CCSER1: variants seen among roughly 807,000 people sequenced by gnomAD.
CCSER1 encodes the protein coiled-coil serine rich protein 1, also known as serine-rich coiled-coil domain-containing protein 1.
A neutral mutation model predicts 82.0 loss-of-function variants in CCSER1; 41 were observed. That is an observed-to-expected ratio of 0.50 (90% confidence interval 0.39 to 0.65). CCSER1 has a LOEUF of 0.65. Ranked by LOEUF, CCSER1 falls within the 30% of genes least tolerant of loss-of-function variation. CCSER1 has a pLI of 0.00. For missense variants in CCSER1, 1,119 were observed against 1,064.2 expected, an observed-to-expected ratio of 1.05 and a Z score of -0.72; for synonymous variants, 414 against 383.9, an observed-to-expected ratio of 1.08 and a Z score of -0.92.
intron 10 of CCSER1, among the ~76,000 whole-genome samples, chr4:91,174,599 T>G (rs1331416701): frequency 6.6e-6 from 1 of 152,104 alleles, no homozygotes. Context: ...TGGACAAACA[T>G]TTTTACCAAG....
In CCSER1 at chr4:91,424,001, C is replaced by CTTTTTTT. The variant is rs1167472932; in HGVS notation, c.2218-174551_2218-174545dup. On this transcript the variant is annotated intron_variant, in intron 10 of 10. Coordinates refer to ENST00000509176, the MANE Select transcript of CCSER1 (RefSeq NM_001145065.2). ...ATAACACTGTAAGAACTCAGCAGATCTTTTTTTTTTTTTTTTTTTTTTTTT... is the reference window on the plus strand; with the variant it reads ...ATAACACTGTAAGAACTCAGCAGATCTTTTTTTTTTTTTTTTTTTTTTTTTTTTTTTT... Among the ~76,000 whole-genome samples, 214 of 77,472 alleles carry CTTTTTTT rather than the reference C, an allele frequency of 2.8e-3. 39 individuals carry two copies. The highest frequency in any genetic ancestry group is 0.01 in the African/African-American group (194 of 18,724). 50.8% of individuals were successfully genotyped at this position (77,472 alleles called of 152,430 possible). A position where few individuals can be genotyped will look rare whatever the true frequency, so the allele number is the denominator to read the frequency against.
chr4:91,526,910 T>C (rs552432904), intron 10 of CCSER1, among the ~76,000 whole-genome samples: 1 of 152,020 alleles, frequency 6.6e-6, no homozygotes, highest in African/African-American at 2.4e-5. Context: ...TATACTCTCT[T>C]GAATAGGAGT....
chr4:91,410,303 T>A (rs988929892), intron 10 of CCSER1, among the ~76,000 whole-genome samples: 1 of 151,894 alleles, frequency 6.6e-6, no homozygotes, highest in Non-Finnish European at 1.5e-5. Context: ...TACTAAATAC[T>A]GTCTTTCCAT....
chr4:90,198,262 G>A (rs1578439987), intron 1 of CCSER1, among the ~76,000 whole-genome samples: 2 of 151,906 alleles, frequency 1.3e-5, no homozygotes, highest in Admixed American at 6.6e-5. Flanking sequence ...TAATCATATG[G>A]CTGGTTCCCC....
chr4:90,372,516 G>A (rs1378533940), intron 3 of CCSER1, among the ~76,000 whole-genome samples: 1 of 152,014 alleles, frequency 6.6e-6, no homozygotes, highest in Non-Finnish European at 1.5e-5. Context: ...TTGGGAGGCC[G>A]AGGCAGGCAG....
At chr4:91,508,472 T>C (rs1340220473) in intron 10 of CCSER1, among the ~76,000 whole-genome samples, 2 of 151,710 alleles carry the variant, frequency 1.3e-5, no homozygotes, top group Non-Finnish European at 2.9e-5. Context: ...TGATGTGTAA[T>C]TGTTTCTATA....
intron 1 of CCSER1, among the ~76,000 whole-genome samples, chr4:90,292,533 A>G (rs955920539): frequency 6.6e-6 from 1 of 151,968 alleles, no homozygotes; most frequent in Non-Finnish European, 1.5e-5. Flanking sequence ...CTTTTAAAAA[A>G]GCCAAACCCA....
At chr4:90,425,709 C>T (rs1405739267) in intron 4 of CCSER1, among the ~76,000 whole-genome samples, 3 of 152,148 alleles carry the variant, frequency 2.0e-5, no homozygotes, top group Non-Finnish European at 4.4e-5. Flanking sequence ...GATCATTAAC[C>T]TATTTAAAAG....
At chr4:90,263,733 T>G (rs1724746624) in intron 1 of CCSER1, among the ~76,000 whole-genome samples, 1 of 152,144 alleles carries the variant, frequency 6.6e-6, no homozygotes, top group East Asian at 1.9e-4. Context: ...GTAAGTATTC[T>G]GGTTTCTCAG....
intron 1 of CCSER1, among the ~76,000 whole-genome samples, chr4:90,128,268 G>A (rs1449742125): frequency 5.9e-5 from 9 of 152,050 alleles, no homozygotes; most frequent in Admixed American, 5.9e-4. Context: ...GTGCTGAGGC[G>A]GGGACGGCGG....
chr4:90,945,068 G>T (rs549942620), intron 9 of CCSER1, among the ~76,000 whole-genome samples: 3 of 152,134 alleles, frequency 2.0e-5, no homozygotes, highest in African/African-American at 4.8e-5. Context: ...AGATAGGAGA[G>T]ATTGCTTTTC....
intron 10 of CCSER1, among the ~76,000 whole-genome samples, chr4:91,511,746 TC>T (rs1466461040): frequency 6.6e-6 from 1 of 152,152 alleles, no homozygotes; most frequent in Non-Finnish European, 1.5e-5. Flanking sequence ...CTCCTATCAC[TC>T]CCAGATGGGA....
intron 3 of CCSER1, among the ~76,000 whole-genome samples, chr4:90,371,569 G>A (rs993375811): frequency 6.6e-6 from 1 of 151,958 alleles, no homozygotes; most frequent in South Asian, 2.1e-4. Context: ...TATGAAAAAG[G>A]TTAACTTAAA....
chr4:91,420,791 G>A (rs1006578533), intron 10 of CCSER1, among the ~76,000 whole-genome samples: 1 of 152,122 alleles, frequency 6.6e-6, no homozygotes, highest in Non-Finnish European at 1.5e-5. Flanking sequence ...CAACTTAAGT[G>A]TCAGCTGACA....
intron 3 of CCSER1, among the ~76,000 whole-genome samples, chr4:90,355,761 T>G (rs1744270448): frequency 6.6e-6 from 1 of 152,030 alleles, no homozygotes; most frequent in African/African-American, 2.4e-5. Flanking sequence ...TGGCATTTGT[T>G]CAGATGCTGA....
intron 9 of CCSER1, among the ~76,000 whole-genome samples, chr4:90,985,179 GTTTT>G (rs1191030829): frequency 2.0e-5 from 3 of 151,660 alleles, no homozygotes; most frequent in Admixed American, 6.6e-5. Flanking sequence ...TAATAAGTGA[GTTTT>G]TGTTTGTATT....
At chr4:90,855,656 C>CT (rs1194740522) in intron 8 of CCSER1, among the ~76,000 whole-genome samples, 1 of 151,974 alleles carries the variant, frequency 6.6e-6, no homozygotes, top group Admixed American at 6.6e-5. Flanking sequence ...TAGGAAAATA[C>CT]TTTTTTTCTT....
At chr4:91,312,409 A>T (rs1745549338) in intron 10 of CCSER1, among the ~76,000 whole-genome samples, 1 of 104,012 alleles carries the variant, frequency 9.6e-6, no homozygotes, top group Non-Finnish European at 2.2e-5. Context: ...TAAGCTGTAG[A>T]CATATACTGT....
chr4:90,282,080 A>G (rs976189646), intron 1 of CCSER1, among the ~76,000 whole-genome samples: 1 of 152,004 alleles, frequency 6.6e-6, no homozygotes, highest in African/African-American at 2.4e-5. Context: ...ATCTACATTT[A>G]TGTCTGCAAT....
Sources: allele counts gnomAD v4.1 joint callset (sites outside exome capture counted in the v4.1 genomes callset), GRCh38; gene constraint gnomAD v4.1.1; transcripts MANE v1.5; gene names NCBI Gene and HGNC (gene_info 2026-07-23, HGNC 2026-07-21).